TACC2: variants seen among roughly 807,000 people sequenced by gnomAD.
TACC2 encodes transforming acidic coiled-coil containing protein 2, also known as transforming acidic coiled-coil-containing protein 2.
Under a neutral mutation model 227.3 loss-of-function variants are expected in TACC2, and 137 were observed. The ratio of observed to expected loss-of-function variants is 0.60; its 90% CI spans 0.52 to 0.69. The LOEUF is 0.69. Among genes scored for constraint, TACC2 ranks in the 30% least tolerant of loss-of-function variants. The pLI is 0.00. For synonymous variants in TACC2, 1,523 were observed against 1,487.5 expected, an observed-to-expected ratio of 1.02 and a Z score of -0.55; for missense variants, 3,470 against 3,694.4, an observed-to-expected ratio of 0.94 and a Z score of 1.57.
At position 122,107,254 on chromosome 10, in the gene TACC2, G is replaced by T. The variant is rs1446885904; in HGVS notation, c.5573+18663G>T. Among the ~76,000 whole-genome samples, 3 of 152,264 alleles carry T rather than the reference G, an allele frequency of 2.0e-5. No homozygotes were observed. The South Asian group carries it at 6.2e-4, about 32-fold the overall frequency. On this transcript the variant is annotated intron_variant, in intron 5 of 22. Transcript: ENST00000369005. ...GCATCTCCATCAGAATTATCTACAG[G>T]CTGGGTGCGGTGGCTCATGCTTCTA...
intron 1 of TACC2, among the ~76,000 whole-genome samples, chr10:121,990,845 T>G (rs1335350783): frequency 6.6e-6 from 1 of 152,196 alleles, no homozygotes; most frequent in African/African-American, 2.4e-5. Context: ...TGGAGTGTAG[T>G]GTTGCCTTCT....
At position 122,084,831 on chromosome 10, in the gene TACC2, G is replaced by C; in HGVS notation, c.2331G>C (p.Gly777=). 6.2e-7 allele frequency: 1 copy of C among 1,613,762 alleles called. No homozygotes were observed. The highest frequency in any genetic ancestry group is 8.5e-7 in the Non-Finnish European group (1 of 1,180,022). Residue 777 remains glycine (G), a synonymous_variant, in exon 4 of 23, where the codon GGG becomes GGC. Coordinates refer to ENST00000369005, the MANE Select transcript of TACC2 (RefSeq NM_206862.4). ...CGTCGAGACAGGAATTTCATGCTGG[G>C]GTGCCACATCCCCCCCAGGGGGAGA... is the stretch of plus-strand genomic sequence containing the variant. ...CDASRQEFHA[G]VPHPPQGENL... is the part of the protein sequence containing the mutation.
chr10:122,008,264 A>ATTATTATTATTTTTT lies in TACC2; in HGVS notation c.-45-13671_-45-13670insATTATTATTTTTTTT. ...TCCCTTTGTTATTATTATTATTATT[A>ATTATTATTATTTTTT]TTTTTTTTTTTTGAGACAGAATTTT... is the stretch of plus-strand genomic sequence containing the variant. On this transcript the variant is annotated intron_variant, in intron 1 of 22. Transcript: ENST00000369005. 2.2e-3 allele frequency among the ~76,000 whole-genome samples: 295 copies of ATTATTATTATTTTTT among 134,636 alleles called. 1 individual carries two copies. The highest frequency in any genetic ancestry group is 7.4e-3 in the Middle Eastern group (2 of 270). The allele number at this position is 134,636 out of a possible 152,430, so 88.3% of individuals were successfully genotyped here. A position where few individuals can be genotyped will look rare whatever the true frequency, so the allele number is the denominator to read the frequency against.
At chr10:122,184,026 C>T (rs543150414) in intron 7 of TACC2, among the ~76,000 whole-genome samples, 3 of 152,290 alleles carry the variant, frequency 2.0e-5, no homozygotes, top group African/African-American at 7.2e-5. Context: ...ACCCATGTGC[C>T]TCTCCTGTTG....
In TACC2 at chr10:122,209,252, A is replaced by G. The variant is rs767616397; in HGVS notation, c.5972-1145A>G. 6.6e-6 allele frequency among the ~76,000 whole-genome samples: 1 copy of G among 152,196 alleles called. No homozygotes were observed. The highest frequency in any genetic ancestry group is 1.5e-5 in the Non-Finnish European group (1 of 68,036). On this transcript the variant is annotated intron_variant, in intron 8 of 22. Coordinates refer to ENST00000369005, the MANE Select transcript of TACC2 (RefSeq NM_206862.4). The surrounding 1 kb of genome is among the most constrained non-coding windows in gnomAD (Gnocchi z 4.5). Reference sequence around the variant, plus strand: ...GCTGGAGCGGCAGGTGGCAGACAGCAAGTGCTACTACAGGTGCCGGGGGCC... The same window carrying G: ...GCTGGAGCGGCAGGTGGCAGACAGCGAGTGCTACTACAGGTGCCGGGGGCC...
chr10:122,133,644 G>C (rs553461314), intron 6 of TACC2, among the ~76,000 whole-genome samples: 1 of 152,186 alleles, frequency 6.6e-6, no homozygotes, highest in Non-Finnish European at 1.5e-5. Context: ...TGAATAGGCA[G>C]ATGCTGTCCC....
Position 122,083,977 on chromosome 10 carries a change from T to C in TACC2, c.1477T>C (p.Ser493Pro). The change falls in exon 4 of 23, where the codon TCA becomes CCA. Residue 493 changes from serine to proline, a missense_variant. Physicochemically the swap from Ser to Pro is moderately conservative, Grantham distance 74. Coordinates refer to ENST00000369005, the MANE Select transcript of TACC2 (RefSeq NM_206862.4). ...GGACCCTGGAGAGGTTCCTGCCCCATCACCCCAGGAGAGGGGAGAGCACTT... is the reference window on the plus strand; with the variant it reads ...GGACCCTGGAGAGGTTCCTGCCCCACCACCCCAGGAGAGGGGAGAGCACTT... ...EGDPGEVPAP[S>P]PQERGEHLNT... The C allele has an allele frequency of 2.5e-6, 4 of 1,613,746 alleles. No individual in the cohort carries two copies. Among genetic ancestry groups the C allele is most frequent in the Non-Finnish European group, 3.4e-6 (4 of 1,179,926 alleles).
chr10:122,085,720 C>G lies in TACC2; in HGVS notation c.3220C>G (p.Gln1074Glu). 3 of 1,613,832 alleles carry G rather than the reference C, an allele frequency of 1.9e-6. No individual in the cohort carries two copies. Residue 1074 changes from glutamine (Q) to glutamate (E), a missense_variant, in exon 4 of 23, where the codon CAG becomes GAG. Physicochemically the swap from Gln to Glu is conservative, Grantham distance 29. Coordinates refer to ENST00000369005, the MANE Select transcript of TACC2 (RefSeq NM_206862.4). Reference protein sequence around the residue: ...APASPGVTPTQDAPETEACDE... With the variant: ...APASPGVTPTEDAPETEACDE... ...CGCCAGCCCCGGAGTCACACCCACC[C>G]AGGATGCCCCAGAGACAGAGGCATG...
At chr10:121,997,742 C>A (rs1188018459) in intron 1 of TACC2, among the ~76,000 whole-genome samples, 1 of 152,122 alleles carries the variant, frequency 6.6e-6, no homozygotes, top group Non-Finnish European at 1.5e-5. Context: ...CAGGGACATG[C>A]TGGGGTAGGG....
chr10:121,992,023 GC>G (rs1953048263), intron 1 of TACC2, among the ~76,000 whole-genome samples: 1 of 152,132 alleles, frequency 6.6e-6, no homozygotes, highest in Non-Finnish European at 1.5e-5. Flanking sequence ...GGAAAGACCT[GC>G]CCCCATGATT....
intron 16 of TACC2, 100 bp downstream of exon 16, chr10:122,230,540 C>A: frequency 4.6e-6 from 5 of 1,075,708 alleles, no homozygotes; most frequent in Non-Finnish European, 7.1e-6. Flanking sequence ...CGGGCATCAT[C>A]GGTGTCCAGC....
At chr10:122,170,685 A>G (rs1479153434) in intron 7 of TACC2, among the ~76,000 whole-genome samples, 1 of 151,944 alleles carries the variant, frequency 6.6e-6, no homozygotes, top group Non-Finnish European at 1.5e-5. Context: ...CATGGTTAAA[A>G]CCTGTATCTG....
chr10:122,252,694 T>C (rs4752676), intron 22 of TACC2, among the ~76,000 whole-genome samples: 12,056 of 152,110 alleles, frequency 0.079, 663 homozygotes, highest in Middle Eastern at 0.13. Flanking sequence ...GGTTTCACCG[T>C]GTTGGCCAGG....
chr10:122,109,506 T>C (rs1263393117), intron 5 of TACC2, among the ~76,000 whole-genome samples: 2 of 152,200 alleles, frequency 1.3e-5, no homozygotes, highest in Admixed American at 6.5e-5. Context: ...GGGTTCGTGG[T>C]TGTCTCCTAT....
intron 7 of TACC2, among the ~76,000 whole-genome samples, chr10:122,148,801 C>T (rs1401257621): frequency 6.6e-6 from 1 of 152,248 alleles, no homozygotes; most frequent in African/African-American, 2.4e-5. Context: ...CCCCCACTCT[C>T]ATTGGTAATC....
At chr10:122,162,627 C>T (rs536970529) in intron 7 of TACC2, among the ~76,000 whole-genome samples, 1 of 152,318 alleles carries the variant, frequency 6.6e-6, no homozygotes, top group East Asian at 1.9e-4. Context: ...GCAGCAGCCT[C>T]CAGTGAGGAG....
chr10:122,165,201 G>T (rs2093083651), intron 7 of TACC2, among the ~76,000 whole-genome samples: 1 of 152,214 alleles, frequency 6.6e-6, no homozygotes, highest in South Asian at 2.1e-4. Context: ...TGCTGTGCCT[G>T]CCTTGTTTCT....
chr10:122,096,430 C>T (rs2081410108), intron 5 of TACC2, among the ~76,000 whole-genome samples: 1 of 152,228 alleles, frequency 6.6e-6, no homozygotes, highest in Admixed American at 6.5e-5. Flanking sequence ...GGCGCGGTGG[C>T]TCACGCCTAT....
intron 5 of TACC2, 160 bp downstream of exon 5, chr10:122,088,751 C>G (rs946042316): frequency 8.5e-6 from 13 of 1,534,576 alleles, no homozygotes; most frequent in Middle Eastern, 1.7e-4. Flanking sequence ...ACAGCAGTAC[C>G]TGGGATGACT....
Sources: allele counts gnomAD v4.1 joint callset (sites outside exome capture counted in the v4.1 genomes callset), GRCh38; gene constraint gnomAD v4.1.1; non-coding constraint Gnocchi (gnomAD v3.1); transcripts MANE v1.5; gene names NCBI Gene and HGNC (gene_info 2026-07-23, HGNC 2026-07-21).